Variants in NBN observed in about 807,000 individuals in gnomAD.
NBN encodes the protein Nijmegen breakage syndrome 1 (nibrin).
A neutral mutation model predicts 90.8 loss-of-function variants in NBN; 88 were observed. That is an observed-to-expected ratio of 0.97 (90% CI 0.82 to 1.16). NBN has a LOEUF of 1.16. Among genes scored for constraint, NBN ranks in the 50% most tolerant of loss-of-function variants. The probability of loss-of-function intolerance (pLI) is 0.00; values close to 1 mark genes in which losing one functional copy is unlikely to be tolerated. For missense variants in NBN, 894 were observed against 869.6 expected (o/e 1.03, Z -0.35); for synonymous variants, 328 against 295.1 (o/e 1.11, Z -1.14).
intron 5 of NBN, among the ~76,000 whole-genome samples, chr8:89,977,851 G>C (rs888255304): frequency 3.9e-5 from 6 of 152,170 alleles, no homozygotes; most frequent in Non-Finnish European, 7.3e-5. Flanking sequence ...TAATATTCTG[G>C]ACTATGTGGC....
chr8:89,956,662 G>C (rs544545838), intron 9 of NBN, among the ~76,000 whole-genome samples: 1 of 152,252 alleles, frequency 6.6e-6, no homozygotes, highest in Non-Finnish European at 1.5e-5. Flanking sequence ...ATTCTTTCCA[G>C]TCATCCATGT....
chr8:89,939,578 A>G (rs894224586), intron 14 of NBN, among the ~76,000 whole-genome samples: 1 of 152,232 alleles, frequency 6.6e-6, no homozygotes, highest in African/African-American at 2.4e-5. Flanking sequence ...ATACGCTTAA[A>G]AAGTGCAGCT....
chr8:89,945,636 C>A (rs1420612434), intron 13 of NBN, among the ~76,000 whole-genome samples: 2 of 152,048 alleles, frequency 1.3e-5, no homozygotes, highest in Admixed American at 6.5e-5. Context: ...CTTTTTTTAA[C>A]CATTACTGAT....
intron 8 of NBN, among the ~76,000 whole-genome samples, chr8:89,961,737 G>C (rs1811000572): frequency 1.3e-5 from 2 of 152,162 alleles, no homozygotes; most frequent in Admixed American, 1.3e-4. Context: ...TCTAGACAAA[G>C]GGCTTGGAGA....
intron 8 of NBN, among the ~76,000 whole-genome samples, chr8:89,963,565 A>G (rs896384285): frequency 6.6e-5 from 10 of 152,204 alleles, no homozygotes; most frequent in African/African-American, 2.4e-4. Flanking sequence ...ACTTACTAAA[A>G]AATTTTTTTA....
chr8:89,948,098 T>TA (rs1810283334), intron 11 of NBN, among the ~76,000 whole-genome samples: 1 of 152,178 alleles, frequency 6.6e-6, no homozygotes, highest in Non-Finnish European at 1.5e-5. Context: ...TTGAAAGAGA[T>TA]ACTGCAGTAT....
chr8:89,935,553 T>C lies in NBN; in HGVS notation c.*29A>G. 6.2e-7 allele frequency: 1 copy of C among 1,610,624 alleles called. No homozygotes were observed. The highest frequency in any genetic ancestry group is 8.5e-7 in the Non-Finnish European group (1 of 1,177,670). On this transcript the variant is annotated 3_prime_UTR_variant, in exon 16 of 16. Coordinates refer to ENST00000265433, the MANE Select transcript of NBN (RefSeq NM_002485.5). Reference sequence around the variant, plus strand: ...TGAAGTAGATGCTTACTAGGAAGTTTTTCCATGGCTTCTTTTTAAAATCCT... The same window carrying C: ...TGAAGTAGATGCTTACTAGGAAGTTCTTCCATGGCTTCTTTTTAAAATCCT...
chr8:89,961,939 G>A (rs573261190), intron 8 of NBN, among the ~76,000 whole-genome samples: 1 of 152,272 alleles, frequency 6.6e-6, no homozygotes, highest in African/African-American at 2.4e-5. Flanking sequence ...CTGTGAGAAG[G>A]GGACAGTCAC....
rs560455910 is a variant in NBN at position 89,964,727 on chromosome 8, ATAAGGGGC to A, written c.897-228_897-221del. On this transcript the variant is annotated intron_variant, in intron 7 of 15. Coordinates refer to ENST00000265433, the MANE Select transcript of NBN (RefSeq NM_002485.5). Reference sequence around the variant, plus strand: ...TAACTCCATTAACTTCATCTGTAAAATAAGGGGCTAAAGAATATAGATCTTCCCAGTTC... The same window carrying A: ...TAACTCCATTAACTTCATCTGTAAAATAAAGAATATAGATCTTCCCAGTTC... Among the ~76,000 whole-genome samples the A allele has an allele frequency of 2.1e-3, 319 of 152,316 alleles. 1 individual carries two copies. The highest frequency in any genetic ancestry group is 7.0e-3 in the African/African-American group (290 of 41,568).
intron 5 of NBN, among the ~76,000 whole-genome samples, chr8:89,975,717 T>TA: frequency 6.6e-6 from 1 of 152,166 alleles, no homozygotes; most frequent in Non-Finnish European, 1.5e-5. Context: ...AACCTTAGGT[T>TA]AAACACAACT....
chr8:89,956,277 T>G (rs1250129940), intron 9 of NBN, among the ~76,000 whole-genome samples: 4 of 151,724 alleles, frequency 2.6e-5, no homozygotes, highest in African/African-American at 9.7e-5. Flanking sequence ...TTGAAAAAGT[T>G]AAATCTGGCC....
At chr8:89,953,167 G>A in intron 11 of NBN, 77 bp downstream of exon 11, 1 of 1,058,696 alleles carries the variant, frequency 9.4e-7, no homozygotes, top group East Asian at 2.4e-5. Context: ...TGCTCATACT[G>A]TCAATACAAA....
At chr8:89,958,960 G>C in intron 8 of NBN, 106 bp from the exon 9 acceptor site, 3 of 1,411,324 alleles carry the variant, frequency 2.1e-6, no homozygotes, top group Non-Finnish European at 3.0e-6. Flanking sequence ...GGATTAACTA[G>C]GGAATACTGC....
chr8:89,953,620 A>G lies in NBN; in HGVS notation c.1469T>C (p.Leu490Ser), dbSNP rs1586054565. 2 of 1,612,858 alleles carry G rather than the reference A, an allele frequency of 1.2e-6. No homozygotes were observed. The highest frequency in any genetic ancestry group is 2.2e-5 in the South Asian group (2 of 91,046). Residue 490 changes from leucine to serine, a missense_variant, in exon 11 of 16, where the codon TTA becomes TCA. Physicochemically the swap from Leu to Ser is moderately radical, Grantham distance 145. Transcript: ENST00000265433. The stretch of plus-strand genomic sequence containing the variant: ...GGGTGTAGCAGGTTGTGTTTGTTCT[A>G]AAAGAGAACAAGACGTTTCTATTCT... ...SARIETSCSL[L>S]EQTQPATPSL...
chr8:89,947,522 G>A (rs984565919), intron 12 of NBN, among the ~76,000 whole-genome samples: 17 of 151,982 alleles, frequency 1.1e-4, no homozygotes, highest in Admixed American at 8.5e-4. Flanking sequence ...CTAGCTACTC[G>A]GGAGGCTGAG....
At chr8:89,943,916 ATTG>A (rs1563509613) in intron 13 of NBN, among the ~76,000 whole-genome samples, 2 of 152,200 alleles carry the variant, frequency 1.3e-5, no homozygotes, top group Non-Finnish European at 2.9e-5. Context: ...CATCAAGATC[ATTG>A]TTAATACTTG....
intron 7 of NBN, among the ~76,000 whole-genome samples, chr8:89,967,299 C>T (rs1811301533): frequency 6.6e-6 from 1 of 152,182 alleles, no homozygotes; most frequent in South Asian, 2.1e-4. Flanking sequence ...ACCTTGCACC[C>T]TGAACTGCTG....
intron 8 of NBN, 157 bp from the exon 9 acceptor site, chr8:89,959,011 C>T: frequency 4.7e-6 from 2 of 421,616 alleles, no homozygotes; most frequent in Non-Finnish European, 6.4e-6. Flanking sequence ...AAACACAAAA[C>T]AGTCTATAAG....
chr8:89,966,011 A>G (rs1434179919), intron 7 of NBN, among the ~76,000 whole-genome samples: 3 of 152,234 alleles, frequency 2.0e-5, no homozygotes, highest in East Asian at 3.8e-4. Context: ...TTTTGCAACT[A>G]TAACTTATAC....
Sources: allele counts gnomAD v4.1 joint callset (sites outside exome capture counted in the v4.1 genomes callset), GRCh38; gene constraint gnomAD v4.1.1; transcripts MANE v1.5; gene names NCBI Gene and HGNC (gene_info 2026-07-23, HGNC 2026-07-21).